Variants in NBEAL2 observed in about 807,000 individuals in gnomAD.
The protein encoded by NBEAL2 is neurobeachin like 2.
Under a neutral mutation model 299.8 loss-of-function variants are expected in NBEAL2, and 160 were observed. That is an observed-to-expected ratio of 0.53 (90% CI 0.47 to 0.61). The LOEUF is 0.61. Ranked by LOEUF, NBEAL2 falls within the 20% of genes least tolerant of loss-of-function variation. NBEAL2 has a pLI of 0.00. For synonymous variants in NBEAL2, 1,493 were observed against 1,542.3 expected, an observed-to-expected ratio of 0.97 and a Z score of 0.75; for missense variants, 3,112 against 3,649.0, an observed-to-expected ratio of 0.85 and a Z score of 3.79.
At chr3:46,993,105 C>T (rs144096678) in intron 10 of NBEAL2, among the ~76,000 whole-genome samples, 18 of 152,334 alleles carry the variant, frequency 1.2e-4, no homozygotes, top group African/African-American at 4.1e-4. Flanking sequence ...CCTACCCTGG[C>T]TCTGTCTTCA....
intron 24 of NBEAL2, 56 bp from the exon 25 acceptor site, chr3:46,999,259 C>T: frequency 6.4e-7 from 1 of 1,564,990 alleles, no homozygotes; most frequent in Admixed American, 1.8e-5. Context: ...CGGTGACTTC[C>T]CCTCCTACAG....
rs2037641589 is a variant in NBEAL2 at position 47,008,577 on chromosome 3, CT to C, written c.7937del (p.Leu2646ArgfsTer8). 1 of 1,613,548 alleles carries C rather than the reference CT, an allele frequency of 6.2e-7. No homozygotes were observed. Among genetic ancestry groups the C allele is most frequent in the Non-Finnish European group, 8.5e-7 (1 of 1,179,866 alleles). ...TGGGAAGTTGCGGGCTTCACTGCCC[CT>C]GGCAGAGCAGCCTACAGCCCTGACG... The part of the protein sequence containing the change: ...VNGKLRASLP[L>X]AEQPTALTVT... On this transcript the variant is annotated frameshift_variant, in exon 52 of 54. Transcript: ENST00000450053. LOFTEE classifies it high-confidence loss of function.
At chr3:47,007,465 G>A (rs2037534429) in intron 47 of NBEAL2, 60 bp from the exon 48 acceptor site, 4 of 1,571,992 alleles carry the variant, frequency 2.5e-6, no homozygotes, top group Admixed American at 3.7e-5. Context: ...CAGGCTCCCT[G>A]AGGGCCTGGG....
chr3:46,998,638 C>T (rs1011245507), intron 22 of NBEAL2, 73 bp downstream of exon 22: 8 of 1,560,560 alleles, frequency 5.1e-6, no homozygotes, highest in Non-Finnish European at 6.9e-6. Flanking sequence ...CTGGGCGGTG[C>T]GCTTCCCTGA....
In NBEAL2 at chr3:46,996,253, C is replaced by A; in HGVS notation, c.2152-18C>A. On this transcript the variant is annotated intron_variant, in intron 15 of 53. Coordinates refer to ENST00000450053, the MANE Select transcript of NBEAL2 (RefSeq NM_015175.3). ...GTTCTGCTGTGACCTGACCGCTCCCCCAACCCCGGCCCCACAGCCTTTCTC... is the reference window on the plus strand; with the variant it reads ...GTTCTGCTGTGACCTGACCGCTCCCACAACCCCGGCCCCACAGCCTTTCTC... 6.2e-7 allele frequency: 1 copy of A among 1,603,304 alleles called. No individual in the cohort carries two copies. The highest frequency in any genetic ancestry group is 1.1e-5 in the South Asian group (1 of 91,010).
chr3:46,981,899 T>G (rs960930867), intron 1 of NBEAL2: 3 of 152,260 alleles, frequency 2.0e-5, no homozygotes, highest in African/African-American at 7.2e-5. Context: ...GGCTCATATC[T>G]GTGCTGAGCC....
Position 46,995,570 on chromosome 3 carries a change from A to C in NBEAL2, c.1835A>C (p.His612Pro), listed in dbSNP as rs1402399917. 6.2e-7 allele frequency: 1 copy of C among 1,612,644 alleles called. No homozygotes were observed. The change falls in exon 13 of 54, where the codon CAC (histidine) becomes CCC (proline). Residue 612 changes from histidine to proline, a missense_variant. Physicochemically the swap from His to Pro is moderately conservative, Grantham distance 77. Coordinates refer to ENST00000450053, the MANE Select transcript of NBEAL2 (RefSeq NM_015175.3). ...GFTFHAWLCL[H>P]PMDTAPTPAP... ...ACCTTTCATGCCTGGCTCTGTCTGC[A>C]CCCTATGGATACAGCACCTACCCCT...
intron 6 of NBEAL2, among the ~76,000 whole-genome samples, chr3:46,990,374 G>A (rs1016814327): frequency 6.6e-6 from 1 of 152,162 alleles, no homozygotes; most frequent in Admixed American, 6.5e-5. Flanking sequence ...TCAACCTGAC[G>A]TCCTCAAGAT....
rs760944802 is a variant in NBEAL2 at position 46,989,051 on chromosome 3, T to C, written c.270-34T>C. 1 of 1,612,126 alleles carries C rather than the reference T, an allele frequency of 6.2e-7. No individual in the cohort carries two copies. The highest frequency in any genetic ancestry group is 8.5e-7 in the Non-Finnish European group (1 of 1,179,060). On this transcript the variant is annotated intron_variant, in intron 3 of 53. Transcript: ENST00000450053. The surrounding 1 kb of genome is among the most constrained non-coding windows in gnomAD (Gnocchi z 5.5). ...AGGGGACAAGGAGGGGCATGGTGTA[T>C]TATTGTGACCTCTCTCATCATTGAC...
Position 47,001,766 on chromosome 3 carries a change from T to A in NBEAL2, c.4722T>A (p.Arg1574=), listed in dbSNP as rs779196163. 3 of 1,613,846 alleles carry A rather than the reference T, an allele frequency of 1.9e-6. No homozygotes were observed. Among genetic ancestry groups the A allele is most frequent in the Non-Finnish European group, 2.5e-6 (3 of 1,179,878 alleles). Reference sequence around the variant, plus strand: ...TGGCCAACGGCACAGCTGATCTCCGTGAGATGGCGCAGATTGGCCTACGGC... The same window carrying A: ...TGGCCAACGGCACAGCTGATCTCCGAGAGATGGCGCAGATTGGCCTACGGC... ...PHLANGTADL[R]EMAQIGLRLV... is the part of the protein sequence containing the mutation. Residue 1574 remains arginine, a synonymous_variant, in exon 30 of 54, where the codon CGT becomes CGA. Transcript: ENST00000450053. The surrounding 1 kb of genome is among the most constrained non-coding windows in gnomAD (Gnocchi z 6.1).
Position 46,989,153 on chromosome 3 carries a change from A to G in NBEAL2, c.338A>G (p.Lys113Arg), listed in dbSNP as rs776774798. ...LVPRVLALLT[K>R]LVAELKGCPP... The stretch of plus-strand genomic sequence containing the variant: ...CCCCGAGTGCTGGCACTGTTGACCA[A>G]GTTGGTGGCGGAGGTGAAGTGGCCT... The change falls in exon 4 of 54, where the codon AAG becomes AGG. Residue 113 changes from lysine to arginine, a missense_variant. Lys to Arg is a conservative substitution (Grantham distance 26). This residue lies in a region of NBEAL2 where 2,243 missense variants were observed against 2,538.1 expected (regional missense o/e 0.88). Coordinates refer to ENST00000450053, the MANE Select transcript of NBEAL2 (RefSeq NM_015175.3). This position sits in a 1 kb window ranked among gnomAD's most constrained non-coding sequence, Gnocchi z 5.5. 1 of 1,613,922 alleles carries G rather than the reference A, an allele frequency of 6.2e-7. No individual in the cohort carries two copies. Among genetic ancestry groups the G allele is most frequent in the East Asian group, 2.2e-5 (1 of 44,876 alleles).
At position 46,998,850 on chromosome 3, in the gene NBEAL2, T is replaced by C. The variant is rs1410856157; in HGVS notation, c.3355T>C (p.Phe1119Leu). 6.3e-7 allele frequency: 1 copy of C among 1,585,370 alleles called. No individual in the cohort carries two copies. The highest frequency in any genetic ancestry group is 8.6e-7 in the Non-Finnish European group (1 of 1,166,176). ...GCAGGTCACGCAGACCATGCTGAGC[T>C]TTTTGGCGGCCACAGGCGATGACGG... ...DVQVTQTMLS[F>L]LAATGDDGQA... Residue 1119 changes from phenylalanine to leucine, a missense_variant, in exon 23 of 54, where the codon TTT becomes CTT. Coordinates refer to ENST00000450053, the MANE Select transcript of NBEAL2 (RefSeq NM_015175.3).
In NBEAL2 at chr3:46,995,807, C is replaced by G; in HGVS notation, c.1992C>G (p.Thr664=). 1.9e-6 allele frequency: 3 copies of G among 1,613,862 alleles called. No homozygotes were observed. In the East Asian group the frequency reaches 6.7e-5, roughly 36 times the overall value. ...VAVCTRKEYL[T]MSLPEVSFAD... is the part of the protein sequence containing the mutation. ...TGTGCACACGGAAGGAGTATTTGACCATGAGTTTGCCCGAAGTGTCCTTTG... is the reference window on the plus strand; with the variant it reads ...TGTGCACACGGAAGGAGTATTTGACGATGAGTTTGCCCGAAGTGTCCTTTG... The change falls in exon 14 of 54, where the codon ACC becomes ACG. Residue 664 remains threonine (T), a synonymous_variant. Transcript: ENST00000450053.
Position 47,001,369 on chromosome 3 carries a change from G to T in NBEAL2, c.4575G>T (p.Trp1525Cys). The T allele has an allele frequency of 6.2e-7, 1 of 1,613,294 alleles. No individual in the cohort carries two copies. Among genetic ancestry groups the T allele is most frequent in the Non-Finnish European group, 8.5e-7 (1 of 1,179,886 alleles). ...VLASLTQQAL[W>C]LLRLLQDFLC... ...CCAGCCTCACCCAGCAAGCGCTTTG[G>T]CTGCTGCGTCTGCTGCAGGACTTCC... The change falls in exon 29 of 54, where the codon TGG becomes TGT. Residue 1525 changes from tryptophan to cysteine, a missense_variant. By Grantham distance (215) the Trp-to-Cys change is radical. Transcript: ENST00000450053. The surrounding 1 kb of genome is among the most constrained non-coding windows in gnomAD (Gnocchi z 6.1).
Position 46,997,301 on chromosome 3 carries a change from C to T in NBEAL2, c.2692C>T (p.Leu898=). ...CVGGMGALLP[L]LERVAAQPKE... ...TGGGGGTATGGGTGCCCTGCTGCCC[C>T]TGCTGGAGCGAGTAGCTGCACAGCC... The change falls in exon 19 of 54, where the codon CTG becomes TTG. Residue 898 remains leucine (L), a synonymous_variant. Transcript: ENST00000450053. 6.2e-7 allele frequency: 1 copy of T among 1,612,972 alleles called. No individual in the cohort carries two copies. Among genetic ancestry groups the T allele is most frequent in the Non-Finnish European group, 8.5e-7 (1 of 1,179,860 alleles).
chr3:47,003,075 A>T lies in NBEAL2; in HGVS notation c.5578A>T (p.Asn1860Tyr). ...CCTGGAAGCCAGCGCTCTCCGAGAC[A>T]ATCTGGGTGAGGGAGTGTGCTGAGA... ...PHLEASALRD[N>Y]LGEVPLTPTE... is the part of the protein sequence containing the mutation. Residue 1860 changes from asparagine (N) to tyrosine (Y), a missense_variant, in exon 34 of 54, where the codon AAT (asparagine) becomes TAT (tyrosine). Physicochemically the swap from Asn to Tyr is moderately radical, Grantham distance 143 (BLOSUM62 -2). Around this residue, in one of 3 missense-constraint regions of NBEAL2, gnomAD observed 2,243 missense variants for 2,538.1 expected, o/e 0.88. Transcript: ENST00000450053. The surrounding 1 kb of genome is among the most constrained non-coding windows in gnomAD (Gnocchi z 7.0). The T allele has an allele frequency of 6.2e-7, 1 of 1,612,294 alleles. No homozygotes were observed. The highest frequency in any genetic ancestry group is 1.3e-5 in the African/African-American group (1 of 74,976).
Position 47,009,338 on chromosome 3 carries a change from G to T in NBEAL2, c.*18G>T. On this transcript the variant is annotated 3_prime_UTR_variant, in exon 54 of 54. Coordinates refer to ENST00000450053, the MANE Select transcript of NBEAL2 (RefSeq NM_015175.3). ...CGCGCTGAACCTGGCCAGTCCGGCT[G>T]CTCGGGCCCCGCCCCCGGCAGGCCT... is the stretch of plus-strand genomic sequence containing the variant. The T allele has an allele frequency of 6.4e-7, 1 of 1,568,618 alleles. No individual in the cohort carries two copies. The highest frequency in any genetic ancestry group is 1.2e-5 in the South Asian group (1 of 85,490).
chr3:46,987,690 G>A (rs2035761921), intron 1 of NBEAL2, among the ~76,000 whole-genome samples: 1 of 152,144 alleles, frequency 6.6e-6, no homozygotes, highest in African/African-American at 2.4e-5. Context: ...TTAAGTGAAG[G>A]GTACTGCAGC....
chr3:47,002,030 G>T lies in NBEAL2; in HGVS notation c.4893G>T (p.Arg1631=). Residue 1631 remains arginine (R), a synonymous_variant, in exon 31 of 54, where the codon CGG becomes CGT. Coordinates refer to ENST00000450053, the MANE Select transcript of NBEAL2 (RefSeq NM_015175.3). ...VLSKLEAALG[R]VLNTSSLESA... ...CCAAGCTGGAGGCTGCACTGGGGCG[G>T]GTGCTGAACACCTCTTCCTTGGAGT... 3 of 1,569,020 alleles carry T rather than the reference G, an allele frequency of 1.9e-6. No individual in the cohort carries two copies. The highest frequency in any genetic ancestry group is 2.6e-6 in the Non-Finnish European group (3 of 1,157,468).
Sources: gnomAD v4.1 joint callset for allele counts (sites outside exome capture counted in the v4.1 genomes callset) on GRCh38, gnomAD v4.1.1 for gene constraint, gnomAD v4.1.1 regional missense constraint, Gnocchi (gnomAD v3.1) non-coding constraint, MANE v1.5 for transcripts, NCBI Gene and HGNC (gene_info 2026-07-23, HGNC 2026-07-21) for gene names.